SYT9: variants seen among roughly 807,000 people sequenced by gnomAD.
The protein encoded by SYT9 is synaptotagmin 9.
A neutral mutation model predicts 48.4 loss-of-function variants in SYT9; 22 were observed. The ratio of observed to expected loss-of-function variants is 0.45; its 90% CI spans 0.32 to 0.65. The LOEUF is 0.65. Ranked by LOEUF, SYT9 falls within the 30% of genes least tolerant of loss-of-function variation. The pLI is 0.03. For missense variants in SYT9, 577 were observed against 622.0 expected (o/e 0.93, Z 0.77); for synonymous variants, 265 against 245.0 (o/e 1.08, Z -0.76).
chr11:7,402,447 A>G (rs1462464657), intron 3 of SYT9, among the ~76,000 whole-genome samples: 1 of 152,030 alleles, frequency 6.6e-6, no homozygotes, highest in Non-Finnish European at 1.5e-5. Context: ...CTCTAACTCT[A>G]CTTGTGGATT....
chr11:7,303,903 G>C (rs939604847), intron 2 of SYT9, among the ~76,000 whole-genome samples: 9 of 152,138 alleles, frequency 5.9e-5, no homozygotes, highest in African/African-American at 2.2e-4. Context: ...AGACTCCGCC[G>C]TGTGGCTGGA....
intron 3 of SYT9, among the ~76,000 whole-genome samples, chr11:7,367,376 C>T (rs577091760): frequency 6.6e-6 from 1 of 151,958 alleles, no homozygotes; most frequent in Non-Finnish European, 1.5e-5. Context: ...CCACCGCGCC[C>T]GGCCTTCCAG....
At chr11:7,341,930 A>G (rs563307982) in intron 3 of SYT9, among the ~76,000 whole-genome samples, 1 of 152,182 alleles carries the variant, frequency 6.6e-6, no homozygotes, top group Non-Finnish European at 1.5e-5. Flanking sequence ...GGTGGAAGGC[A>G]AAAGGCATGG....
At chr11:7,338,181 T>C (rs1296074565) in intron 3 of SYT9, among the ~76,000 whole-genome samples, 2 of 152,174 alleles carry the variant, frequency 1.3e-5, no homozygotes, top group African/African-American at 2.4e-5. Flanking sequence ...GATGGTTGTT[T>C]GTATTTCTGT....
intron 3 of SYT9, among the ~76,000 whole-genome samples, chr11:7,406,881 C>A (rs1327029465): frequency 6.6e-6 from 1 of 152,048 alleles, no homozygotes; most frequent in Non-Finnish European, 1.5e-5. Context: ...TTAATAATAG[C>A]CATTCTAACT....
At chr11:7,466,047 C>T (rs574130997) in intron 6 of SYT9, among the ~76,000 whole-genome samples, 4 of 152,284 alleles carry the variant, frequency 2.6e-5, no homozygotes, top group South Asian at 2.1e-4. Flanking sequence ...GCCTTACCTC[C>T]GACCACTTCA....
intron 1 of SYT9, among the ~76,000 whole-genome samples, chr11:7,263,789 G>A (rs1848123624): frequency 1.3e-5 from 2 of 152,144 alleles, no homozygotes; most frequent in Non-Finnish European, 2.9e-5. Flanking sequence ...AGTGGAACTG[G>A]TGAAAGTCTA....
intron 1 of SYT9, among the ~76,000 whole-genome samples, chr11:7,265,638 C>T (rs1248846426): frequency 6.7e-6 from 1 of 149,424 alleles, no homozygotes; most frequent in East Asian, 2.0e-4. Flanking sequence ...AACCCAAACT[C>T]GAAAATGTGT....
intron 6 of SYT9, among the ~76,000 whole-genome samples, chr11:7,444,962 G>A (rs1720712615): frequency 1.3e-5 from 2 of 152,172 alleles, no homozygotes; most frequent in African/African-American, 4.8e-5. Context: ...GTCAGGATGG[G>A]GTCTTTTCAC....
At chr11:7,422,530 G>T (rs1406408324) in intron 6 of SYT9, among the ~76,000 whole-genome samples, 2 of 151,934 alleles carry the variant, frequency 1.3e-5, no homozygotes, top group Non-Finnish European at 2.9e-5. Context: ...TAGATTTTGG[G>T]GGCCTGTCAC....
intron 6 of SYT9, among the ~76,000 whole-genome samples, chr11:7,456,223 A>C (rs1590043489): frequency 6.6e-6 from 1 of 152,208 alleles, no homozygotes; most frequent in Non-Finnish European, 1.5e-5. Flanking sequence ...GTTGATTTGG[A>C]CTTACTGCAG....
intron 3 of SYT9, among the ~76,000 whole-genome samples, chr11:7,316,787 C>T (rs904189118): frequency 5.9e-5 from 9 of 152,186 alleles, no homozygotes; most frequent in African/African-American, 2.2e-4. Context: ...ACTTTCTCTC[C>T]AACTCTTGCA....
chr11:7,328,704 A>G (rs546399697), intron 3 of SYT9, among the ~76,000 whole-genome samples: 4 of 152,244 alleles, frequency 2.6e-5, no homozygotes, highest in East Asian at 3.9e-4. Context: ...TTGGTTTACT[A>G]TTTCTTCAGA....
At chr11:7,415,184 C>T (rs956677472) in intron 3 of SYT9, among the ~76,000 whole-genome samples, 1 of 152,150 alleles carries the variant, frequency 6.6e-6, no homozygotes. Context: ...GGCAGCAGGG[C>T]CACCTGGGGG....
At chr11:7,390,344 A>G (rs1850739875) in intron 3 of SYT9, among the ~76,000 whole-genome samples, 3 of 152,142 alleles carry the variant, frequency 2.0e-5, no homozygotes, top group African/African-American at 4.8e-5. Context: ...CTGTGTATAA[A>G]TATTATTTTA....
intron 2 of SYT9, among the ~76,000 whole-genome samples, chr11:7,312,594 C>A (rs1849160394): frequency 6.6e-6 from 1 of 152,210 alleles, no homozygotes; most frequent in Non-Finnish European, 1.5e-5. Flanking sequence ...AATACACTTA[C>A]AGGGTGAAGA....
intron 3 of SYT9, among the ~76,000 whole-genome samples, chr11:7,321,870 A>C (rs1849343929): frequency 6.6e-6 from 1 of 152,218 alleles, no homozygotes; most frequent in Admixed American, 6.5e-5. Context: ...GGTTGTTGCC[A>C]TGGCATTTGT....
At position 7,270,397 on chromosome 11, in the gene SYT9, C is replaced by T. The variant is rs544200037; in HGVS notation, c.145+18066C>T. Among the ~76,000 whole-genome samples, 15 of 152,252 alleles carry T rather than the reference C, an allele frequency of 9.9e-5. No homozygotes were observed. The East Asian group carries it at 2.1e-3, about 22-fold the overall frequency. On this transcript the variant is annotated intron_variant, in intron 1 of 6. Transcript: ENST00000318881. ...CTCAATTAACTGCCACAGTGAGAATCGTTTGCTTTCAGATCGATAAGAAGA... is the reference window on the plus strand; with the variant it reads ...CTCAATTAACTGCCACAGTGAGAATTGTTTGCTTTCAGATCGATAAGAAGA...
intron 6 of SYT9, among the ~76,000 whole-genome samples, chr11:7,463,502 C>T (rs1848269398): frequency 7.4e-6 from 1 of 134,266 alleles, no homozygotes; most frequent in African/African-American, 2.9e-5. Flanking sequence ...GGGGGCTGAA[C>T]AACAACAGCA....
Sources: gnomAD v4.1 joint callset for allele counts (sites outside exome capture counted in the v4.1 genomes callset) on GRCh38, gnomAD v4.1.1 for gene constraint, MANE v1.5 for transcripts, NCBI Gene and HGNC (gene_info 2026-07-23, HGNC 2026-07-21) for gene names.